The following KLHL1 variants were observed in gnomAD, a reference collection of about 807,000 sequenced individuals.
The protein encoded by KLHL1 is kelch-like protein 1.
KLHL1 carries 47 observed loss-of-function variants against 77.7 expected under a neutral mutation model. The observed-to-expected ratio is 0.60, with a 90% confidence interval of 0.48 to 0.77. KLHL1 has a LOEUF of 0.77. Among genes scored for constraint, KLHL1 ranks in the 30% least tolerant of loss-of-function variants. KLHL1 has a pLI of 0.00. For synonymous variants in KLHL1, 360 were observed against 325.2 expected, an observed-to-expected ratio of 1.11 and a Z score of -1.15; for missense variants, 925 against 910.8, an observed-to-expected ratio of 1.02 and a Z score of -0.20.
chr13:69,728,716 A>G (rs925309008), intron 8 of KLHL1, among the ~76,000 whole-genome samples: 1 of 151,124 alleles, frequency 6.6e-6, no homozygotes, highest in Non-Finnish European at 1.5e-5. Flanking sequence ...GCTGAGGCAG[A>G]ATAATTGCTT....
chr13:69,780,510 C>T (rs1020901894), intron 7 of KLHL1, among the ~76,000 whole-genome samples: 1 of 151,462 alleles, frequency 6.6e-6, no homozygotes, highest in Admixed American at 6.6e-5. Context: ...ACAATGAAAG[C>T]TGACAGCCTA....
At chr13:69,897,469 C>G (rs145144048) in intron 4 of KLHL1, among the ~76,000 whole-genome samples, 243 of 152,310 alleles carry the variant, frequency 1.6e-3, no homozygotes, top group African/African-American at 5.6e-3. Flanking sequence ...CTATATAGAA[C>G]ACTTAGAGAT....
chr13:70,006,625 T>A (rs973949610), intron 1 of KLHL1, among the ~76,000 whole-genome samples: 1 of 151,732 alleles, frequency 6.6e-6, no homozygotes, highest in Non-Finnish European at 1.5e-5. Flanking sequence ...CTTTTGTTCA[T>A]CAGGTATTTT....
intron 3 of KLHL1, among the ~76,000 whole-genome samples, chr13:69,944,426 G>T (rs1381649118): frequency 6.6e-6 from 1 of 152,132 alleles, no homozygotes; most frequent in East Asian, 1.9e-4. Context: ...TTTTCTGATT[G>T]TGTTATGTAT....
chr13:70,005,682 G>T (rs141774602), intron 1 of KLHL1, among the ~76,000 whole-genome samples: 1 of 151,472 alleles, frequency 6.6e-6, no homozygotes, highest in Non-Finnish European at 1.5e-5. Flanking sequence ...TGCTTATTTC[G>T]CTTTGATTAA....
intron 3 of KLHL1, among the ~76,000 whole-genome samples, chr13:69,960,441 T>C (rs541396814): frequency 8.5e-5 from 13 of 152,132 alleles, no homozygotes; most frequent in African/African-American, 2.9e-4. Flanking sequence ...AAACCATCAA[T>C]ATATACTGTC....
At chr13:69,860,250 AT>A (rs1367588024) in intron 5 of KLHL1, among the ~76,000 whole-genome samples, 1 of 152,034 alleles carries the variant, frequency 6.6e-6, no homozygotes, top group African/African-American at 2.4e-5. Context: ...GATATGAAAA[AT>A]CTCAATGTTC....
chr13:69,923,811 G>T (rs1843298307), intron 4 of KLHL1, among the ~76,000 whole-genome samples: 1 of 152,142 alleles, frequency 6.6e-6, no homozygotes, highest in Admixed American at 6.5e-5. Context: ...TGCCTTCTGA[G>T]TTGGCAGGGC....
chr13:69,812,115 T>C (rs903103600), intron 6 of KLHL1, among the ~76,000 whole-genome samples: 1 of 152,126 alleles, frequency 6.6e-6, no homozygotes, highest in African/African-American at 2.4e-5. Context: ...TTTGTTCTCG[T>C]TGGTTTTAAA....
At chr13:69,709,574 G>A (rs1875784888) in intron 9 of KLHL1, among the ~76,000 whole-genome samples, 1 of 151,998 alleles carries the variant, frequency 6.6e-6, no homozygotes, top group Admixed American at 6.6e-5. Flanking sequence ...GAATATCAGT[G>A]AGAACCCAAG....
intron 4 of KLHL1, among the ~76,000 whole-genome samples, chr13:69,935,192 G>A (rs9564634): frequency 7.3e-6 from 1 of 137,488 alleles, no homozygotes; most frequent in African/African-American, 3.2e-5. Context: ...ACTGGTGAAC[G>A]TGGTACATAG....
chr13:69,808,551 T>TA (rs71704752), intron 6 of KLHL1, among the ~76,000 whole-genome samples: 2 of 151,136 alleles, frequency 1.3e-5, no homozygotes, highest in Non-Finnish European at 3.0e-5. Context: ...AAAAACAGAA[T>TA]AAAAAAATCA....
chr13:69,910,065 G>T (rs1465447800), intron 4 of KLHL1, among the ~76,000 whole-genome samples: 1 of 151,972 alleles, frequency 6.6e-6, no homozygotes, highest in Non-Finnish European at 1.5e-5. Context: ...AAGCATGTGT[G>T]GCTAGTTCTT....
intron 1 of KLHL1, among the ~76,000 whole-genome samples, chr13:69,978,323 T>G (rs772535875): frequency 6.6e-6 from 1 of 151,508 alleles, no homozygotes; most frequent in Non-Finnish European, 1.5e-5. Flanking sequence ...TGATGCTTCT[T>G]CTGCTTGGGT....
At chr13:69,896,261 C>A (rs532946277) in intron 4 of KLHL1, among the ~76,000 whole-genome samples, 1 of 152,254 alleles carries the variant, frequency 6.6e-6, no homozygotes, top group East Asian at 1.9e-4. Flanking sequence ...TCTCCCATAT[C>A]TCTGATTGGC....
intron 1 of KLHL1, among the ~76,000 whole-genome samples, chr13:70,000,032 G>A (rs866807572): frequency 1.1e-4 from 16 of 152,076 alleles, no homozygotes; most frequent in African/African-American, 3.6e-4. Flanking sequence ...TTATAATAAT[G>A]TGTGAGTTCT....
At chr13:69,890,231 C>G (rs913073045) in intron 4 of KLHL1, among the ~76,000 whole-genome samples, 1 of 61,998 alleles carries the variant, frequency 1.6e-5, no homozygotes, top group Non-Finnish European at 5.5e-5. Flanking sequence ...TCTGCAATAA[C>G]AATTTCCAAA....
At chr13:69,940,515 A>G (rs956284548) in intron 3 of KLHL1, among the ~76,000 whole-genome samples, 2 of 152,110 alleles carry the variant, frequency 1.3e-5, no homozygotes, top group Non-Finnish European at 1.5e-5. Flanking sequence ...TTTGATTGTG[A>G]AATAAGGAAA....
chr13:69,806,427 A>G (rs1877620005), intron 6 of KLHL1, among the ~76,000 whole-genome samples: 2 of 152,200 alleles, frequency 1.3e-5, no homozygotes, highest in South Asian at 4.1e-4. Flanking sequence ...GAGACAAACC[A>G]GAGTAATAAG....
Sources: gnomAD v4.1 joint callset for allele counts (sites outside exome capture counted in the v4.1 genomes callset) on GRCh38, gnomAD v4.1.1 for gene constraint, MANE v1.5 for transcripts, NCBI Gene and HGNC (gene_info 2026-07-23, HGNC 2026-07-21) for gene names.